CACNA1I: variants seen among roughly 807,000 people sequenced by gnomAD.
The protein encoded by CACNA1I is calcium voltage-gated channel subunit alpha1 I.
In CACNA1I, 74 loss-of-function variants were observed where a neutral mutation model predicts 201.6. The observed-to-expected ratio is 0.37, with a 90% CI of 0.30 to 0.45. CACNA1I has a LOEUF of 0.45. Among genes scored for constraint, CACNA1I ranks in the 20% least tolerant of loss-of-function variants. The pLI, the probability that CACNA1I is intolerant of heterozygous loss-of-function variation, is 1.00. For synonymous variants in CACNA1I, 1,431 were observed against 1,345.2 expected (o/e 1.06, Z -1.40); for missense variants, 2,346 against 3,138.1 (o/e 0.75, Z 6.03).
chr22:39,596,382 TG>T (rs1222667478), intron 1 of CACNA1I, among the ~76,000 whole-genome samples: 1 of 17,918 alleles, frequency 5.6e-5, no homozygotes, highest in African/African-American at 3.2e-4. Context: ...CGGAGAGAGA[TG>T]GGGGAGCAGG....
rs5757760 is a variant in CACNA1I, at chr22:39,648,397, C to T, written c.1567+471C>T. Among the ~76,000 whole-genome samples, 19,240 of 152,184 alleles carry T rather than the reference C, an allele frequency of 0.13. 2,857 individuals carry two copies. Among genetic ancestry groups the T allele is most frequent in the East Asian group, 0.81 (4,128 of 5,094 alleles). On this transcript the variant is annotated intron_variant, in intron 9 of 36. Coordinates refer to ENST00000402142, the MANE Select transcript of CACNA1I (RefSeq NM_021096.4). This position sits in a 1 kb window ranked among gnomAD's most constrained non-coding sequence, Gnocchi z 5.4. ...CGGGCTTCCTGCGGCCGCCCAGCCCCCTCTCCTGGCACTCTTGCCCCCTTG... is the reference window on the plus strand; with the variant it reads ...CGGGCTTCCTGCGGCCGCCCAGCCCTCTCTCCTGGCACTCTTGCCCCCTTG...
Position 39,665,046 on chromosome 22 carries a change from C to G in CACNA1I, c.3851+123C>G. The G allele has an allele frequency of 4.5e-6, 4 of 893,096 alleles. No homozygotes were observed. The highest frequency in any genetic ancestry group is 1.6e-5 in the South Asian group (1 of 61,978). 55.3% of individuals were successfully genotyped at this position (893,096 alleles called of 1,614,324 possible). Reference sequence around the variant, plus strand: ...CACTCGGTCCTCCAATAGTGAGTGCCAAACACCCTGAGCTGTTCCCGGGGG... The same window carrying G: ...CACTCGGTCCTCCAATAGTGAGTGCGAAACACCCTGAGCTGTTCCCGGGGG... On this transcript the variant is annotated intron_variant, in intron 21 of 36. Transcript: ENST00000402142. This position sits in a 1 kb window ranked among gnomAD's most constrained non-coding sequence, Gnocchi z 5.5.
rs1285142987 is a variant in CACNA1I at position 39,686,126 on chromosome 22, G to T, written c.6393G>T (p.Ser2131=). Residue 2131 remains serine (S), a synonymous_variant, in exon 37 of 37, where the codon TCG becomes TCT. Coordinates refer to ENST00000402142, the MANE Select transcript of CACNA1I (RefSeq NM_021096.4). ...ACTCGGAGACCCTCAGCAGCCTCTC[G>T]CTCACCTCCCTCTTCTGCCCGCCGC... ...SEHSETLSSL[S]LTSLFCPPPP... is the part of the protein sequence containing the mutation. 8.0e-7 allele frequency: 1 copy of T among 1,249,272 alleles called. No homozygotes were observed. Among genetic ancestry groups the T allele is most frequent in the Non-Finnish European group, 1.0e-6 (1 of 998,486 alleles). The allele number at this position is 1,249,272 out of a possible 1,614,324, so 77.4% of individuals were successfully genotyped here. A position where few individuals can be genotyped will look rare whatever the true frequency, so the allele number is the denominator to read the frequency against.
Position 39,591,215 on chromosome 22 carries a change from A to G in CACNA1I, c.237-6936A>G, listed in dbSNP as rs144186266. 9.2e-3 allele frequency among the ~76,000 whole-genome samples: 1,351 copies of G among 147,640 alleles called. 14 individuals carry two copies. Among genetic ancestry groups the G allele is most frequent in the Non-Finnish European group, 0.013 (888 of 67,400 alleles). On this transcript the variant is annotated intron_variant, in intron 1 of 36. Coordinates refer to ENST00000402142, the MANE Select transcript of CACNA1I (RefSeq NM_021096.4). ...ACTCTCGTTGCCCAGGCTGGAGTGC[A>G]ATGGCGCGATCTCAGCTCACTGCAA...
chr22:39,658,102 C>A, intron 10 of CACNA1I, 50 bp from the exon 11 acceptor site: 2 of 1,592,994 alleles, frequency 1.3e-6, no homozygotes, highest in Non-Finnish European at 8.6e-7. Context: ...GGATCCACAG[C>A]TGCCCTCTGG....
At position 39,633,673 on chromosome 22, in the gene CACNA1I, C is replaced by T. The variant is rs551256099; in HGVS notation, c.581-892C>T. ...GTTTAGGGAACTTCAAATAATTTGG[C>T]ACTGCAAGGCAGTAGACTGCAAATT... On this transcript the variant is annotated intron_variant, in intron 4 of 36. Coordinates refer to ENST00000402142, the MANE Select transcript of CACNA1I (RefSeq NM_021096.4). Among the ~76,000 whole-genome samples, 51 of 152,332 alleles carry T rather than the reference C, an allele frequency of 3.3e-4. No individual in the cohort carries two copies. In the East Asian group the frequency reaches 9.4e-3, roughly 28 times the overall value.
rs906136466 is a variant in CACNA1I, at chr22:39,629,727, G to A, written c.581-4838G>A. ...TCTGTCCCACGTGAGACCCCCGGGA[G>A]GCAGCGACCACACAGCTGTGGAGCC... On this transcript the variant is annotated intron_variant, in intron 4 of 36. Coordinates refer to ENST00000402142, the MANE Select transcript of CACNA1I (RefSeq NM_021096.4). The surrounding 1 kb of genome is among the most constrained non-coding windows in gnomAD (Gnocchi z 4.8). Among the ~76,000 whole-genome samples the A allele has an allele frequency of 3.9e-5, 6 of 152,116 alleles. No homozygotes were observed. Among genetic ancestry groups the A allele is most frequent in the African/African-American group, 1.4e-4 (6 of 41,408 alleles).
chr22:39,610,696 T>C (rs1342389076), intron 3 of CACNA1I, among the ~76,000 whole-genome samples: 1 of 152,182 alleles, frequency 6.6e-6, no homozygotes, highest in Non-Finnish European at 1.5e-5. Context: ...GCCCGCTTGC[T>C]CTAGAATCCT....
At chr22:39,654,381 T>C (rs931093878) in intron 10 of CACNA1I, among the ~76,000 whole-genome samples, 13 of 151,910 alleles carry the variant, frequency 8.6e-5, no homozygotes, top group African/African-American at 3.1e-4. Flanking sequence ...AACCACCAAG[T>C]TGGAGAACAA....
intron 5 of CACNA1I, among the ~76,000 whole-genome samples, chr22:39,637,141 T>A (rs754762857): frequency 5.9e-5 from 9 of 152,160 alleles, no homozygotes; most frequent in Non-Finnish European, 1.3e-4. Context: ...AGAGACCCTT[T>A]ATCTTGGCCA....
At chr22:39,647,180 A>G (rs778892561) in intron 8 of CACNA1I, among the ~76,000 whole-genome samples, 2 of 152,156 alleles carry the variant, frequency 1.3e-5, no homozygotes, top group Non-Finnish European at 2.9e-5. Flanking sequence ...GCCACACTTG[A>G]GAGGAAAGAA....
At chr22:39,613,331 C>T (rs1008677) in intron 3 of CACNA1I, among the ~76,000 whole-genome samples, 59,417 of 152,022 alleles carry the variant, frequency 0.39, 12,369 homozygotes, top group East Asian at 0.84. Context: ...GGAACAGGGA[C>T]AGGTGCCCAG....
At chr22:39,681,525 A>C (rs1387748896) in intron 34 of CACNA1I, among the ~76,000 whole-genome samples, 1 of 152,100 alleles carries the variant, frequency 6.6e-6, no homozygotes, top group East Asian at 1.9e-4. Context: ...CCCACTTCAC[A>C]TGTGAGGAAA....
intron 5 of CACNA1I, among the ~76,000 whole-genome samples, chr22:39,636,872 G>T (rs909679): frequency 6.6e-6 from 1 of 152,144 alleles, no homozygotes; most frequent in Non-Finnish European, 1.5e-5. Flanking sequence ...GAGCTCCGTC[G>T]TCAGGGCGGA....
intron 1 of CACNA1I, among the ~76,000 whole-genome samples, chr22:39,583,388 CCATCCATCCATT>C (rs1932646014): frequency 1.3e-5 from 2 of 151,890 alleles, no homozygotes; most frequent in African/African-American, 4.8e-5. Context: ...ATCCATCCAT[CCATCCATCCATT>C]CATCCACCCA....
At chr22:39,638,374 T>C (rs1012401557) in intron 5 of CACNA1I, among the ~76,000 whole-genome samples, 2 of 152,218 alleles carry the variant, frequency 1.3e-5, no homozygotes, top group African/African-American at 4.8e-5. Context: ...CATATGTATT[T>C]GGGTTGGATG....
intron 29 of CACNA1I, 119 bp downstream of exon 29, chr22:39,674,152 T>C: frequency 1.1e-6 from 1 of 902,758 alleles, no homozygotes; most frequent in South Asian, 1.5e-5. Flanking sequence ...GCAGATGCTG[T>C]CTCTGGGGAT....
chr22:39,685,788 G>A lies in CACNA1I; in HGVS notation c.6055G>A (p.Ala2019Thr), dbSNP rs909224334. 37 of 1,494,784 alleles carry A rather than the reference G, an allele frequency of 2.5e-5. No individual in the cohort carries two copies. Among genetic ancestry groups the A allele is most frequent in the Non-Finnish European group, 3.1e-5 (35 of 1,129,744 alleles). The allele number at this position is 1,494,784 out of a possible 1,614,324, so 92.6% of individuals were successfully genotyped here. ...QATGSDTSLD[A>T]SPSSSAGSLQ... is the part of the protein sequence containing the mutation. ...CACCGGGAGCGACACGTCGCTGGAC[G>A]CCAGCCCCAGCAGCTCCGCGGGCAG... Residue 2019 changes from alanine to threonine, a missense_variant, in exon 37 of 37, where the codon GCC becomes ACC. Physicochemically the swap from Ala to Thr is moderately conservative, Grantham distance 58 (BLOSUM62 0). This residue lies in a region of CACNA1I where 441 missense variants were observed against 555.6 expected (regional missense o/e 0.79). Transcript: ENST00000402142. This position sits in a 1 kb window ranked among gnomAD's most constrained non-coding sequence, Gnocchi z 5.0.
At chr22:39,591,851 C>T (rs546154628) in intron 1 of CACNA1I, among the ~76,000 whole-genome samples, 2 of 152,380 alleles carry the variant, frequency 1.3e-5, no homozygotes, top group East Asian at 1.9e-4. Flanking sequence ...TAAGCCACCG[C>T]GCTTGGCCAT....
Sources: gnomAD v4.1 joint callset for allele counts (sites outside exome capture counted in the v4.1 genomes callset) on GRCh38, gnomAD v4.1.1 for gene constraint, gnomAD v4.1.1 regional missense constraint, Gnocchi (gnomAD v3.1) non-coding constraint, MANE v1.5 for transcripts, NCBI Gene and HGNC (gene_info 2026-07-23, HGNC 2026-07-21) for gene names.